Variants in SS18 observed in about 807,000 individuals in gnomAD.
SS18 encodes protein SSXT.
Under a neutral mutation model 72.5 loss-of-function variants are expected in SS18, and 28 were observed. That is an observed-to-expected ratio of 0.39 (90% CI 0.29 to 0.53). SS18 has a LOEUF of 0.53. Among genes scored for constraint, SS18 ranks in the 20% least tolerant of loss-of-function variants. SS18 has a pLI of 0.76. For missense variants in SS18, 518 were observed against 535.3 expected, an observed-to-expected ratio of 0.97 and a Z score of 0.32; for synonymous variants, 172 against 164.2, an observed-to-expected ratio of 1.05 and a Z score of -0.37.
chr18:26,089,899 G>C lies in SS18; in HGVS notation c.69+602C>G, dbSNP rs118130765. 1,027 of 152,486 alleles carry C rather than the reference G, an allele frequency of 6.7e-3. 10 individuals carry two copies. The highest frequency in any genetic ancestry group is 9.7e-3 in the Non-Finnish European group (659 of 68,156). 9.4% of individuals were successfully genotyped at this position (152,486 alleles called of 1,614,324 possible). A position where few individuals can be genotyped will look rare whatever the true frequency, so the allele number is the denominator to read the frequency against. Reference sequence around the variant, plus strand: ...GAATAAATGAATAGGCGGCGATGCAGAAGGGAAGAAGAGGCTCTGGGGACA... The same window carrying C: ...GAATAAATGAATAGGCGGCGATGCACAAGGGAAGAAGAGGCTCTGGGGACA... On this transcript the variant is annotated intron_variant, in intron 1 of 10. Coordinates refer to ENST00000415083, the MANE Select transcript of SS18 (RefSeq NM_001007559.3).
At chr18:26,030,282 G>C (rs2053521979) in intron 10 of SS18, among the ~76,000 whole-genome samples, 1 of 152,138 alleles carries the variant, frequency 6.6e-6, no homozygotes, top group Admixed American at 6.5e-5. Flanking sequence ...GTCCCTTTGT[G>C]AATGCTCTTC....
At chr18:26,076,134 G>A (rs532698464) in intron 3 of SS18, among the ~76,000 whole-genome samples, 1 of 151,878 alleles carries the variant, frequency 6.6e-6, no homozygotes, top group South Asian at 2.1e-4. Flanking sequence ...AAGATATCAA[G>A]TCTTCCCAAA....
At chr18:26,089,226 A>C (rs970764607) in intron 1 of SS18, among the ~76,000 whole-genome samples, 4 of 152,208 alleles carry the variant, frequency 2.6e-5, no homozygotes, top group Non-Finnish European at 5.9e-5. Context: ...ATAAAAAAAA[A>C]AGAAAAACTC....
chr18:26,073,384 T>C (rs1452050973), intron 3 of SS18, among the ~76,000 whole-genome samples: 2 of 152,012 alleles, frequency 1.3e-5, no homozygotes, highest in Non-Finnish European at 2.9e-5. Flanking sequence ...CATCTAAAAC[T>C]CAGAAGAACA....
intron 7 of SS18, among the ~76,000 whole-genome samples, chr18:26,037,014 GC>G: frequency 6.6e-6 from 1 of 152,160 alleles, no homozygotes; most frequent in East Asian, 1.9e-4. Context: ...GAAAAAGTTT[GC>G]CAATTCCTAA....
chr18:26,062,828 A>C (rs916628105), intron 3 of SS18, among the ~76,000 whole-genome samples: 2 of 152,234 alleles, frequency 1.3e-5, no homozygotes, highest in Non-Finnish European at 2.9e-5. Flanking sequence ...ATGTTTAACA[A>C]TCATAAATGT....
chr18:26,032,543 T>C lies in SS18; in HGVS notation c.1097-11A>G, dbSNP rs1180923884. 6.2e-7 allele frequency: 1 copy of C among 1,612,756 alleles called. No homozygotes were observed. The highest frequency in any genetic ancestry group is 8.5e-7 in the Non-Finnish European group (1 of 1,179,410). On this transcript the variant is annotated splice_polypyrimidine_tract_variant and intron_variant, in intron 9 of 10. Transcript: ENST00000415083. ...CACCCTGTGAAGGACCTGAAAATAA[T>C]GTACACAACAAAAACCCACATAAAA...
intron 3 of SS18, among the ~76,000 whole-genome samples, chr18:26,061,354 G>A (rs368425366): frequency 1.3e-5 from 2 of 152,314 alleles, no homozygotes; most frequent in Non-Finnish European, 2.9e-5. Flanking sequence ...GACAGACGGA[G>A]AATTTCAGCA....
chr18:26,021,970 G>C (rs1433543105), intron 10 of SS18, among the ~76,000 whole-genome samples: 1 of 152,140 alleles, frequency 6.6e-6, no homozygotes, highest in African/African-American at 2.4e-5. Context: ...GGTGAACTGA[G>C]ACCTTGTGAA....
chr18:26,088,294 G>A (rs1013749594), intron 1 of SS18, among the ~76,000 whole-genome samples: 2 of 152,140 alleles, frequency 1.3e-5, no homozygotes, highest in African/African-American at 4.8e-5. Context: ...CTTTGGAACA[G>A]TAAAGAAAAA....
chr18:26,016,717 C>G lies in SS18; in HGVS notation c.*1637G>C, dbSNP rs755412541. The stretch of plus-strand genomic sequence containing the variant: ...CAGCCTGGGCGACAAGAGCAAGACT[C>G]CATCTCAAAAAAAAAAACAAAGAAC... On this transcript the variant is annotated 3_prime_UTR_variant, in exon 11 of 11. Coordinates refer to ENST00000415083, the MANE Select transcript of SS18 (RefSeq NM_001007559.3). The G allele has an allele frequency of 1.3e-4, 29 of 215,082 alleles. No homozygotes were observed. The highest frequency in any genetic ancestry group is 2.5e-4 in the Non-Finnish European group (27 of 106,806). The allele number at this position is 215,082 out of a possible 1,614,324, so 13.3% of individuals were successfully genotyped here.
chr18:26,066,024 C>T (rs1419226092), intron 3 of SS18, among the ~76,000 whole-genome samples: 1 of 151,750 alleles, frequency 6.6e-6, no homozygotes, highest in Non-Finnish European at 1.5e-5. Flanking sequence ...GTGAATTACA[C>T]CTCATGTCAC....
chr18:26,090,407 CGGCCCGGTCGACTCCG>C, intron 1 of SS18, 78 bp downstream of exon 1: 2 of 1,296,956 alleles, frequency 1.5e-6, no homozygotes, highest in Admixed American at 2.0e-5. Flanking sequence ...GCCTCCGCCT[CGGCCCGGTCGACTCCG>C]GGCCCGGCCC....
chr18:26,019,078 C>T (rs1052891144), intron 10 of SS18, among the ~76,000 whole-genome samples: 1 of 151,882 alleles, frequency 6.6e-6, no homozygotes, highest in Admixed American at 6.6e-5. Context: ...TGAAGCAGCA[C>T]GAAGGGACAT....
rs896260849 is a variant in SS18 at position 26,016,992 on chromosome 18, A to G, written c.*1362T>C. Reference sequence around the variant, plus strand: ...ATAGGCAACTGTGATGAAAATAGCAACTTACCTTTGGGCTAGATGTTTTCA... The same window carrying G: ...ATAGGCAACTGTGATGAAAATAGCAGCTTACCTTTGGGCTAGATGTTTTCA... On this transcript the variant is annotated 3_prime_UTR_variant, in exon 11 of 11. Coordinates refer to ENST00000415083, the MANE Select transcript of SS18 (RefSeq NM_001007559.3). 1.3e-5 allele frequency: 3 copies of G among 226,212 alleles called. No individual in the cohort carries two copies. Among genetic ancestry groups the G allele is most frequent in the African/African-American group, 2.2e-5 (1 of 44,940 alleles). The allele number at this position is 226,212 out of a possible 1,614,324, so 14.0% of individuals were successfully genotyped here.
At chr18:26,049,190 T>A (rs2053879757) in intron 5 of SS18, among the ~76,000 whole-genome samples, 2 of 152,224 alleles carry the variant, frequency 1.3e-5, no homozygotes, top group African/African-American at 4.8e-5. Flanking sequence ...TGCCTGATAA[T>A]GAAAAATACA....
intron 3 of SS18, among the ~76,000 whole-genome samples, chr18:26,063,179 G>A (rs2054153642): frequency 7.0e-6 from 1 of 143,170 alleles, no homozygotes; most frequent in Non-Finnish European, 1.5e-5. Context: ...TCTGAGCACA[G>A]TGGAATTAAA....
At chr18:26,020,707 AAG>A (rs1416203162) in intron 10 of SS18, among the ~76,000 whole-genome samples, 11 of 152,224 alleles carry the variant, frequency 7.2e-5, no homozygotes, top group African/African-American at 2.4e-4. Context: ...TAGCAAACTT[AAG>A]AGAGTTCAGA....
intron 3 of SS18, among the ~76,000 whole-genome samples, chr18:26,070,118 C>T (rs693939): frequency 0.2 from 30,840 of 151,974 alleles, 4,152 homozygotes; most frequent in Non-Finnish European, 0.29. Flanking sequence ...AAGAAATCCA[C>T]GTAACAAAAC....
Sources: allele counts gnomAD v4.1 joint callset (sites outside exome capture counted in the v4.1 genomes callset), GRCh38; gene constraint gnomAD v4.1.1; transcripts MANE v1.5; gene names NCBI Gene and HGNC (gene_info 2026-07-23, HGNC 2026-07-21).